Variants in HOXA1 observed in about 807,000 individuals in gnomAD.
HOXA1 encodes homeobox A1, also known as homeobox protein Hox-A1.
A neutral mutation model predicts 28.3 loss-of-function variants in HOXA1; 21 were observed. That is an observed-to-expected ratio of 0.74 (90% CI 0.53 to 1.07). HOXA1 has a LOEUF of 1.07. Among genes scored for constraint, HOXA1 ranks in the 50% least tolerant of loss-of-function variants. The probability of loss-of-function intolerance (pLI) is 0.00; values close to 1 mark genes in which losing one functional copy is unlikely to be tolerated. For synonymous variants in HOXA1, 208 were observed against 181.2 expected, an observed-to-expected ratio of 1.15 and a Z score of -1.19; for missense variants, 446 against 434.3, an observed-to-expected ratio of 1.03 and a Z score of -0.24.
In HOXA1 at chr7:27,093,716, G is replaced by A. The variant is rs931913698; in HGVS notation, c.*724C>T. 3 of 152,494 alleles carry A rather than the reference G, an allele frequency of 2.0e-5. No homozygotes were observed. The highest frequency in any genetic ancestry group is 1.3e-4 in the Admixed American group (2 of 15,278). The allele number at this position is 152,494 out of a possible 1,614,324, so 9.4% of individuals were successfully genotyped here. A position where few individuals can be genotyped will look rare whatever the true frequency, so the allele number is the denominator to read the frequency against. ...TGGGAAAGACTTAGCACAGGAAGCC[G>A]GGTTTCTGAAGTTTGTGCTCTGCAG... On this transcript the variant is annotated 3_prime_UTR_variant, in exon 2 of 2. Transcript: ENST00000643460.
In HOXA1 at chr7:27,094,751, G is replaced by T. The variant is rs1429602284; in HGVS notation, c.697C>A (p.Arg233Ser). ...YGYLGQPNAV[R>S]TNFTTKQLTE... ...AGCTGCTTGGTAGTGAAGTTGGTGC[G>T]CACCGCGTTGGGTTGACCCAGGTAG... The change falls in exon 2 of 2, where the codon CGC becomes AGC. Residue 233 changes from arginine (R) to serine (S), a missense_variant. Transcript: ENST00000643460. 2 of 1,614,062 alleles carry T rather than the reference G, an allele frequency of 1.2e-6. No individual in the cohort carries two copies. Among genetic ancestry groups the T allele is most frequent in the Non-Finnish European group, 1.7e-6 (2 of 1,180,016 alleles).
chr7:27,094,548 C>A lies in HOXA1; in HGVS notation c.900G>T (p.Pro300=), dbSNP rs752269739. 9 of 1,614,062 alleles carry A rather than the reference C, an allele frequency of 5.6e-6. 1 individual carries two copies. The Admixed American group carries it at 1.2e-4, about 21-fold the overall frequency. Reference sequence around the variant, plus strand: ...CCTCGGCCTTCTCGTCGTTTCCTGGCGGGGTGGCCGGAGAGATGGGCAAGA... The same window carrying A: ...CCTCGGCCTTCTCGTCGTTTCCTGGAGGGGTGGCCGGAGAGATGGGCAAGA... ...EGLLPISPAT[P]PGNDEKAEES... The change falls in exon 2 of 2, where the codon CCG becomes CCT. Residue 300 remains proline (P), a synonymous_variant. Transcript: ENST00000643460.
chr7:27,094,709 C>G lies in HOXA1; in HGVS notation c.739G>C (p.Glu247Gln), dbSNP rs1783778386. 1 of 1,614,068 alleles carries G rather than the reference C, an allele frequency of 6.2e-7. No individual in the cohort carries two copies. Among genetic ancestry groups the G allele is most frequent in the African/African-American group, 1.3e-5 (1 of 74,918 alleles). ...GTCAGGTACTTGTTGAAGTGGAACT[C>G]CTTCTCCAGTTCCGTGAGCTGCTTG... ...TTKQLTELEK[E>Q]FHFNKYLTRA... is the part of the protein sequence containing the mutation. The change falls in exon 2 of 2, where the codon GAG (glutamate) becomes CAG (glutamine). Residue 247 changes from glutamate to glutamine, a missense_variant. Coordinates refer to ENST00000643460, the MANE Select transcript of HOXA1 (RefSeq NM_005522.5).
At position 27,094,190 on chromosome 7, in the gene HOXA1, C is replaced by G. The variant is rs886062256; in HGVS notation, c.*250G>C. ...TAGGTTCTGTGAATTCTCCTAAAAG[C>G]AGGAGGGATGTTAAGGCCCACCAGA... On this transcript the variant is annotated 3_prime_UTR_variant, in exon 2 of 2. Coordinates refer to ENST00000643460, the MANE Select transcript of HOXA1 (RefSeq NM_005522.5). 4.7e-5 allele frequency: 24 copies of G among 511,538 alleles called. No homozygotes were observed. The East Asian group carries it at 8.1e-4, about 17-fold the overall frequency. 31.7% of individuals were successfully genotyped at this position (511,538 alleles called of 1,614,324 possible).
chr7:27,093,447 T>C lies in HOXA1; in HGVS notation c.*993A>G, dbSNP rs945035952. On this transcript the variant is annotated 3_prime_UTR_variant, in exon 2 of 2. Transcript: ENST00000643460. ...TCATAGGCTCACAAAGGATAACTGA[T>C]AGAACTCAGTGTGGTACTTTGGGGA... 2 of 152,646 alleles carry C rather than the reference T, an allele frequency of 1.3e-5. No homozygotes were observed. Among genetic ancestry groups the C allele is most frequent in the African/African-American group, 2.4e-5 (1 of 41,464 alleles). The allele number at this position is 152,646 out of a possible 1,614,324, so 9.5% of individuals were successfully genotyped here.
rs976248101 is a variant in HOXA1 at position 27,094,778 on chromosome 7, C to T, written c.670G>A (p.Gly224Ser). 6.2e-7 allele frequency: 1 copy of T among 1,613,904 alleles called. No homozygotes were observed. Among genetic ancestry groups the T allele is most frequent in the Non-Finnish European group, 8.5e-7 (1 of 1,179,976 alleles). Residue 224 changes from glycine to serine, a missense_variant, in exon 2 of 2, where the codon GGC becomes AGC. Coordinates refer to ENST00000643460, the MANE Select transcript of HOXA1 (RefSeq NM_005522.5). ...PPKTGKVGEY[G>S]YLGQPNAVRT... ...ACCGCGTTGGGTTGACCCAGGTAGC[C>T]GTACTCTCCAACTTTCCCTGGGGCA...
At position 27,093,651 on chromosome 7, in the gene HOXA1, T is replaced by C. The variant is rs1783751045; in HGVS notation, c.*789A>G. The C allele has an allele frequency of 6.6e-6, 1 of 152,472 alleles. No homozygotes were observed. Among genetic ancestry groups the C allele is most frequent in the African/African-American group, 2.4e-5 (1 of 41,440 alleles). The allele number at this position is 152,472 out of a possible 1,614,324, so 9.4% of individuals were successfully genotyped here. A position where few individuals can be genotyped will look rare whatever the true frequency, so the allele number is the denominator to read the frequency against. ...TAGGTTCTGAATAACCCAGCACAAATTTTAAACAGAGGGTGGCCCGAGAAG... is the reference window on the plus strand; with the variant it reads ...TAGGTTCTGAATAACCCAGCACAAACTTTAAACAGAGGGTGGCCCGAGAAG... On this transcript the variant is annotated 3_prime_UTR_variant, in exon 2 of 2. Coordinates refer to ENST00000643460, the MANE Select transcript of HOXA1 (RefSeq NM_005522.5).
chr7:27,093,810 T>A lies in HOXA1; in HGVS notation c.*630A>T, dbSNP rs1024545204. On this transcript the variant is annotated 3_prime_UTR_variant, in exon 2 of 2. Transcript: ENST00000643460. The stretch of plus-strand genomic sequence containing the variant: ...ATCTGATTGGGTTTAAATGAGGGAA[T>A]TTTTTCTTTCACCTATAAAATTGTA... The A allele has an allele frequency of 6.5e-6, 1 of 153,026 alleles. No homozygotes were observed. The highest frequency in any genetic ancestry group is 6.5e-5 in the Admixed American group (1 of 15,374). 9.5% of individuals were successfully genotyped at this position (153,026 alleles called of 1,614,324 possible). A position where few individuals can be genotyped will look rare whatever the true frequency, so the allele number is the denominator to read the frequency against.
Position 27,094,560 on chromosome 7 carries a change from A to T in HOXA1, c.888T>A (p.Ser296=). ...KREKEGLLPI[S]PATPPGNDEK... ...CGTCGTTTCCTGGCGGGGTGGCCGGAGAGATGGGCAAGAGACCCTCCTTCT... is the reference window on the plus strand; with the variant it reads ...CGTCGTTTCCTGGCGGGGTGGCCGGTGAGATGGGCAAGAGACCCTCCTTCT... Residue 296 remains serine (S), a synonymous_variant, in exon 2 of 2, where the codon TCT becomes TCA. Transcript: ENST00000643460. 1 of 1,614,188 alleles carries T rather than the reference A, an allele frequency of 6.2e-7. No homozygotes were observed.
At position 27,093,545 on chromosome 7, in the gene HOXA1, CACAT is replaced by C. The variant is rs1025014987; in HGVS notation, c.*891_*894del. 3 of 152,636 alleles carry C rather than the reference CACAT, an allele frequency of 2.0e-5. No individual in the cohort carries two copies. The highest frequency in any genetic ancestry group is 7.2e-5 in the African/African-American group (3 of 41,454). 9.5% of individuals were successfully genotyped at this position (152,636 alleles called of 1,614,324 possible). ...AATATACATTCATTGTGCCATCCAT[CACAT>C]TAACAATTGAGCTGAAAATACATTA... On this transcript the variant is annotated 3_prime_UTR_variant, in exon 2 of 2. Transcript: ENST00000643460.
Position 27,094,665 on chromosome 7 carries a change from C to A in HOXA1, c.783G>T (p.Glu261Asp), listed in dbSNP as rs960473055. The A allele has an allele frequency of 6.2e-7, 1 of 1,614,148 alleles. No individual in the cohort carries two copies. The highest frequency in any genetic ancestry group is 8.5e-7 in the Non-Finnish European group (1 of 1,180,000). ...NKYLTRARRV[E>D]IAASLQLNET... The stretch of plus-strand genomic sequence containing the variant: ...CGTTGAGCTGCAGGGATGCAGCGAT[C>A]TCCACCCTGCGGGCGCGCGTCAGGT... The change falls in exon 2 of 2, where the codon GAG becomes GAT. Residue 261 changes from glutamate to aspartate, a missense_variant. Transcript: ENST00000643460.
In HOXA1 at chr7:27,094,103, C is replaced by T. The variant is rs576914419; in HGVS notation, c.*337G>A. 37 of 324,526 alleles carry T rather than the reference C, an allele frequency of 1.1e-4. No homozygotes were observed. The highest frequency in any genetic ancestry group is 9.5e-4 in the South Asian group (30 of 31,570). The allele number at this position is 324,526 out of a possible 1,614,324, so 20.1% of individuals were successfully genotyped here. On this transcript the variant is annotated 3_prime_UTR_variant, in exon 2 of 2. Coordinates refer to ENST00000643460, the MANE Select transcript of HOXA1 (RefSeq NM_005522.5). The stretch of plus-strand genomic sequence containing the variant: ...AGTTAGATAAAAGATGAGAAGATTC[C>T]TTCTGGCATGTTTCTGTTGGCAAAG...
At chr7:27,095,102 C>A in intron 1 of HOXA1, 159 bp downstream of exon 1, 1 of 797,328 alleles carries the variant, frequency 1.3e-6, no homozygotes, top group Non-Finnish European at 2.1e-6. Flanking sequence ...CCTGAGACTT[C>A]TTTGCCCCAA....
chr7:27,095,832 G>A lies in HOXA1; in HGVS notation c.81C>T (p.Ala27=), dbSNP rs766274047. 4 of 1,613,920 alleles carry A rather than the reference G, an allele frequency of 2.5e-6. No homozygotes were observed. Among genetic ancestry groups the A allele is most frequent in the Non-Finnish European group, 3.4e-6 (4 of 1,179,902 alleles). The stretch of plus-strand genomic sequence containing the variant: ...TTGTAATCCTATGGTCCGAGGGGTA[G>A]GCTCGGGCTGAGCAGGTCCCCGAGT... ...SGDSGTCSAR[A]YPSDHRITTF... is the part of the protein sequence containing the mutation. The change falls in exon 1 of 2, where the codon GCC becomes GCT. Residue 27 remains alanine, a synonymous_variant. Coordinates refer to ENST00000643460, the MANE Select transcript of HOXA1 (RefSeq NM_005522.5).
rs1369656027 is a variant in HOXA1, at chr7:27,095,692, TGGC to T, written c.218_220del (p.Arg73del). Reference sequence around the variant, plus strand: ...AGTCTGGTAGGTAGCCGGCTGGGGGTGGCGATGGTGGTGGTGGTGGTGGTGGTG... The same window carrying T: ...AGTCTGGTAGGTAGCCGGCTGGGGGTGATGGTGGTGGTGGTGGTGGTGGTG... On this transcript the variant is annotated inframe_deletion, in exon 1 of 2. Coordinates refer to ENST00000643460, the MANE Select transcript of HOXA1 (RefSeq NM_005522.5). 2.3e-5 allele frequency: 34 copies of T among 1,503,116 alleles called. No individual in the cohort carries two copies. Among genetic ancestry groups the T allele is most frequent in the Middle Eastern group, 1.7e-4 (1 of 5,752 alleles). 93.1% of individuals were successfully genotyped at this position (1,503,116 alleles called of 1,614,324 possible).
At position 27,095,710 on chromosome 7, in the gene HOXA1, T is replaced by C; in HGVS notation, c.203A>G (p.His68Arg). ...CTGGGGGTGGCGATGGTGGTGGTGG[T>C]GGTGGTGGTGGGGCGAACCGATCTG... ...GVQIGSPHHH[H>R]HHHHRHPQPA... The change falls in exon 1 of 2, where the codon CAC becomes CGC. Residue 68 changes from histidine (H) to arginine (R), a missense_variant. By Grantham distance (29) the His-to-Arg change is conservative. Transcript: ENST00000643460. 6.2e-7 allele frequency: 1 copy of C among 1,612,562 alleles called. No homozygotes were observed. The highest frequency in any genetic ancestry group is 8.5e-7 in the Non-Finnish European group (1 of 1,179,430).
rs557199978 is a variant in HOXA1, at chr7:27,094,418, G to A, written c.*22C>T. 6 of 1,546,326 alleles carry A rather than the reference G, an allele frequency of 3.9e-6. No homozygotes were observed. The highest frequency in any genetic ancestry group is 5.4e-6 in the Non-Finnish European group (6 of 1,118,536). ...CCCAGCCCAAGGAGATGCCTGGGCTGTTGTCTGGGGCTGGAGCCGCCTCAG... is the reference window on the plus strand; with the variant it reads ...CCCAGCCCAAGGAGATGCCTGGGCTATTGTCTGGGGCTGGAGCCGCCTCAG... On this transcript the variant is annotated 3_prime_UTR_variant, in exon 2 of 2. Coordinates refer to ENST00000643460, the MANE Select transcript of HOXA1 (RefSeq NM_005522.5).
intron 1 of HOXA1, 27 bp downstream of exon 1, chr7:27,095,234 G>C: frequency 1.2e-6 from 2 of 1,611,508 alleles, no homozygotes; most frequent in Non-Finnish European, 8.5e-7. Flanking sequence ...AATAATCAAG[G>C]AGCATCCACC....
intron 1 of HOXA1, 59 bp downstream of exon 1, chr7:27,095,202 T>C: frequency 2.6e-6 from 4 of 1,550,964 alleles, no homozygotes; most frequent in Non-Finnish European, 3.6e-6. Context: ...CCTTGGAAAT[T>C]AAGCATACCA....
Sources: allele counts gnomAD v4.1 joint callset, GRCh38; gene constraint gnomAD v4.1.1; transcripts MANE v1.5; gene names NCBI Gene and HGNC (gene_info 2026-07-23, HGNC 2026-07-21).